The following VWA5B1 variants were observed in gnomAD, a reference collection of about 807,000 sequenced individuals.
VWA5B1 encodes von Willebrand factor A domain-containing protein 5B1.
VWA5B1 carries 115 observed loss-of-function variants against 118.2 expected under a neutral mutation model. The observed-to-expected ratio is 0.97, with a 90% CI of 0.84 to 1.14. VWA5B1 has a LOEUF of 1.14. VWA5B1 is among the 50% of genes most tolerant of loss of function. The pLI, the probability that VWA5B1 is intolerant of heterozygous loss-of-function variation, is 0.00. For missense variants in VWA5B1, 1,596 were observed against 1,603.8 expected (o/e 1.00, Z 0.08); for synonymous variants, 682 against 658.4 (o/e 1.04, Z -0.55).
At position 20,350,138 on chromosome 1, in the gene VWA5B1, C is replaced by T. The variant is rs1239158637; in HGVS notation, c.2879-18C>T. 5.2e-6 allele frequency: 8 copies of T among 1,550,508 alleles called. No individual in the cohort carries two copies. The highest frequency in any genetic ancestry group is 7.0e-6 in the Non-Finnish European group (8 of 1,146,404). ...AAGGGAGGGGAGAGGTCCAGCCTCA[C>T]TGGCTCCTCTGTCCTAGACATGGAG... On this transcript the variant is annotated intron_variant, in intron 18 of 21. Transcript: ENST00000289815.
chr1:20,306,740 A>G (rs1404814928), intron 1 of VWA5B1, among the ~76,000 whole-genome samples: 2 of 152,188 alleles, frequency 1.3e-5, no homozygotes, highest in Non-Finnish European at 2.9e-5. Context: ...CTAGGCCATC[A>G]GAAAAGTGTT....
Position 20,355,490 on chromosome 1 carries a change from T to C in VWA5B1, c.*1227T>C, listed in dbSNP as rs1408078668. On this transcript the variant is annotated 3_prime_UTR_variant, in exon 22 of 22. Coordinates refer to ENST00000289815, the MANE Select transcript of VWA5B1 (RefSeq NM_001039500.3). Reference sequence around the variant, plus strand: ...ACCTCACCAAGGAACCCCACCAGCTTGGGACTTCAGGCTGAATCTATCCAC... The same window carrying C: ...ACCTCACCAAGGAACCCCACCAGCTCGGGACTTCAGGCTGAATCTATCCAC... 3.3e-5 allele frequency among the ~76,000 whole-genome samples: 5 copies of C among 152,222 alleles called. No homozygotes were observed. Among genetic ancestry groups the C allele is most frequent in the Non-Finnish European group, 5.9e-5 (4 of 68,028 alleles).
intron 21 of VWA5B1, 59 bp from the exon 22 acceptor site, chr1:20,353,698 C>T: frequency 2.1e-6 from 3 of 1,439,874 alleles, no homozygotes; most frequent in South Asian, 3.0e-5. Context: ...TTTTGCATGG[C>T]CTATGGCTCC....
At chr1:20,332,306 C>A (rs1255234625) in intron 11 of VWA5B1, among the ~76,000 whole-genome samples, 1 of 151,806 alleles carries the variant, frequency 6.6e-6, no homozygotes, top group African/African-American at 2.4e-5. Context: ...TTGGTGAAAC[C>A]CCGTCTCTAC....
At position 20,324,196 on chromosome 1, in the gene VWA5B1, A is replaced by G. The variant is rs538148746; in HGVS notation, c.1143+664A>G. 2.6e-5 allele frequency among the ~76,000 whole-genome samples: 4 copies of G among 152,356 alleles called. No individual in the cohort carries two copies. In the South Asian group the frequency reaches 8.3e-4, roughly 32 times the overall value. ...CTTGGCCATCTGGAAAAACAGCAGA[A>G]TGTAAACACATTTGCTGTCCTCAAG... is the stretch of plus-strand genomic sequence containing the variant. On this transcript the variant is annotated intron_variant, in intron 8 of 21. Transcript: ENST00000289815.
At chr1:20,311,035 C>A in intron 2 of VWA5B1, among the ~76,000 whole-genome samples, 1 of 152,156 alleles carries the variant, frequency 6.6e-6, no homozygotes, top group Admixed American at 6.5e-5. Context: ...TGCAGTGGTG[C>A]GATCACGGCT....
At chr1:20,330,753 T>G in intron 10 of VWA5B1, 116 bp from the exon 11 acceptor site, 1 of 1,063,692 alleles carries the variant, frequency 9.4e-7, no homozygotes, top group East Asian at 2.6e-5. Context: ...TCCCTCTACC[T>G]GAATATAGGG....
At chr1:20,322,384 G>A (rs1174457111) in intron 7 of VWA5B1, among the ~76,000 whole-genome samples, 1 of 152,146 alleles carries the variant, frequency 6.6e-6, no homozygotes, top group African/African-American at 2.4e-5. Flanking sequence ...GAGAACAAAG[G>A]AAATGAGATT....
At chr1:20,326,654 C>T (rs1019839062) in intron 8 of VWA5B1, among the ~76,000 whole-genome samples, 3 of 151,900 alleles carry the variant, frequency 2.0e-5, no homozygotes, top group Admixed American at 1.3e-4. Flanking sequence ...TTAGTAGAGA[C>T]GGTTCAGGCT....
At chr1:20,315,941 C>T (rs534390772) in intron 4 of VWA5B1, among the ~76,000 whole-genome samples, 14 of 119,732 alleles carry the variant, frequency 1.2e-4, no homozygotes, top group Middle Eastern at 4.1e-3. Context: ...CTAGGACATC[C>T]GGACCTCAGT....
At position 20,354,279 on chromosome 1, in the gene VWA5B1, G is replaced by C. The variant is rs754983114; in HGVS notation, c.*16G>C. ...TTATGTGTAGTTGAGTGACGGGGAG[G>C]CTGGGTGGAGGGAAGGGTGGGGAGG... On this transcript the variant is annotated 3_prime_UTR_variant, in exon 22 of 22. Transcript: ENST00000289815. 7 of 1,516,352 alleles carry C rather than the reference G, an allele frequency of 4.6e-6. No individual in the cohort carries two copies. In the South Asian group the frequency reaches 5.1e-5, roughly 11 times the overall value. 93.9% of individuals were successfully genotyped at this position (1,516,352 alleles called of 1,614,324 possible). A position where few individuals can be genotyped will look rare whatever the true frequency, so the allele number is the denominator to read the frequency against.
Position 20,329,287 on chromosome 1 carries a change from CTTTTTTTTTTTTTT to C in VWA5B1, c.1255-877_1255-864del, listed in dbSNP as rs10578067. Among the ~76,000 whole-genome samples the C allele has an allele frequency of 1.4e-3, 121 of 89,216 alleles. 1 individual carries two copies. The East Asian group carries it at 0.04, about 29-fold the overall frequency. 58.5% of individuals were successfully genotyped at this position (89,216 alleles called of 152,430 possible). On this transcript the variant is annotated intron_variant, in intron 9 of 21. Coordinates refer to ENST00000289815, the MANE Select transcript of VWA5B1 (RefSeq NM_001039500.3). ...CTTTTTTTTTTCTTTTTTCTTTTCC[CTTTTTTTTTTTTTT>C]TTTTTTTTTTTTTTTGAGATGGAGT...
At chr1:20,293,917 G>A (rs2088358076) in intron 1 of VWA5B1, among the ~76,000 whole-genome samples, 1 of 152,176 alleles carries the variant, frequency 6.6e-6, no homozygotes, top group South Asian at 2.1e-4. Flanking sequence ...GCAGGGAAGT[G>A]TTTCCCACGT....
At position 20,332,763 on chromosome 1, in the gene VWA5B1, C is replaced by A; in HGVS notation, c.1573-3C>A. On this transcript the variant is annotated splice_polypyrimidine_tract_variant and splice_region_variant and intron_variant, in intron 11 of 21. Coordinates refer to ENST00000289815, the MANE Select transcript of VWA5B1 (RefSeq NM_001039500.3). ...CCAACTGCATTCTGACCCTGCCCTA[C>A]AGATGGTCAAATCCTTGAAGAAGGC... is the stretch of plus-strand genomic sequence containing the variant. 1.3e-6 allele frequency: 2 copies of A among 1,551,474 alleles called. No individual in the cohort carries two copies. Among genetic ancestry groups the A allele is most frequent in the South Asian group, 1.2e-5 (1 of 84,050 alleles).
chr1:20,348,450 G>A, intron 18 of VWA5B1, 92 bp downstream of exon 18: 1 of 1,328,574 alleles, frequency 7.5e-7, no homozygotes, highest in Non-Finnish European at 1.1e-6. Context: ...GAGGCCCTAG[G>A]ACCACTCTCT....
Position 20,343,397 on chromosome 1 carries a change from A to T in VWA5B1, c.2626+4A>T, listed in dbSNP as rs1233131649. The stretch of plus-strand genomic sequence containing the variant: ...CGCGAGGGCGAGATCGAGCAGGGTG[A>T]GCGCCACGGAACTGCGCCCCTCCCG... On this transcript the variant is annotated splice_donor_region_variant and intron_variant, in intron 16 of 21. Coordinates refer to ENST00000289815, the MANE Select transcript of VWA5B1 (RefSeq NM_001039500.3). 3 of 1,516,218 alleles carry T rather than the reference A, an allele frequency of 2.0e-6. No individual in the cohort carries two copies. The highest frequency in any genetic ancestry group is 2.6e-6 in the Non-Finnish European group (3 of 1,134,692). 93.9% of individuals were successfully genotyped at this position (1,516,218 alleles called of 1,614,324 possible). A position where few individuals can be genotyped will look rare whatever the true frequency, so the allele number is the denominator to read the frequency against.
rs139315154 is a variant in VWA5B1, at chr1:20,357,228, G to T, written c.*2965G>T. Among the ~76,000 whole-genome samples the T allele has an allele frequency of 6.6e-6, 1 of 152,326 alleles. No individual in the cohort carries two copies. Among genetic ancestry groups the T allele is most frequent in the Non-Finnish European group, 1.5e-5 (1 of 68,026 alleles). On this transcript the variant is annotated 3_prime_UTR_variant, in exon 22 of 22. Transcript: ENST00000289815. ...GTCCCAACTCCACCACTAGTGTGCT[G>T]TGTGACTTCTGGCAAATTACTTGCT...
rs1011394140 is a variant in VWA5B1, at chr1:20,312,921, C to T, written c.225C>T (p.Ile75=). The stretch of plus-strand genomic sequence containing the variant: ...CCGACCGTGTCGTGACAGTACAGAT[C>T]AAGGACAAAGCCAAGCTGGAGAGCG... ...VIADRVVTVQ[I]KDKAKLESGH... Residue 75 remains isoleucine (I), a synonymous_variant, in exon 3 of 22, where the codon ATC becomes ATT. Coordinates refer to ENST00000289815, the MANE Select transcript of VWA5B1 (RefSeq NM_001039500.3). The T allele has an allele frequency of 3.2e-6, 5 of 1,551,714 alleles. No individual in the cohort carries two copies. Among genetic ancestry groups the T allele is most frequent in the Non-Finnish European group, 8.7e-7 (1 of 1,147,002 alleles).
chr1:20,323,328 CCAAT>C (rs765773652), intron 7 of VWA5B1, 24 bp from the exon 8 acceptor site: 76 of 1,420,202 alleles, frequency 5.4e-5, no homozygotes, highest in Non-Finnish European at 6.7e-5. Context: ...CCCTGATTGC[CCAAT>C]CAGAGTGTTC....
Sources: gnomAD v4.1 joint callset for allele counts (sites outside exome capture counted in the v4.1 genomes callset) on GRCh38, gnomAD v4.1.1 for gene constraint, MANE v1.5 for transcripts, NCBI Gene and HGNC (gene_info 2026-07-23, HGNC 2026-07-21) for gene names.